The following DOK7 variants were observed in gnomAD, a reference collection of about 807,000 sequenced individuals.
DOK7 encodes protein Dok-7.
Under a neutral mutation model 30.7 loss-of-function variants are expected in DOK7, and 32 were observed. The ratio of observed to expected loss-of-function variants is 1.04; its 90% CI spans 0.79 to 1.40. DOK7 has a LOEUF of 1.40. DOK7 is among the 40% of genes most tolerant of loss of function. The pLI, the probability that DOK7 is intolerant of heterozygous loss-of-function variation, is 0.00. For synonymous variants in DOK7, 447 were observed against 324.1 expected, an observed-to-expected ratio of 1.38 and a Z score of -4.07; for missense variants, 1,007 against 699.2, an observed-to-expected ratio of 1.44 and a Z score of -4.97.
chr4:3,498,964 G>C (rs951578513), downstream of DOK7, among the ~76,000 whole-genome samples: 1 of 152,222 alleles, frequency 6.6e-6, no homozygotes, highest in Non-Finnish European at 1.5e-5. Context: ...GAATCAGCGA[G>C]TCAGGTCTCC....
chr4:3,494,344 T>C lies in DOK7; in HGVS notation c.*843T>C. 1.0e-6 allele frequency: 1 copy of C among 985,780 alleles called. No individual in the cohort carries two copies. 61.1% of individuals were successfully genotyped at this position (985,780 alleles called of 1,614,324 possible). On this transcript the variant is annotated 3_prime_UTR_variant, in exon 7 of 7. Transcript: ENST00000340083. Reference sequence around the variant, plus strand: ...CCCATTGTCCCCCGCCCTGGGTGGCTTCCTCTTGCACAGCCTGGAGCCTGC... The same window carrying C: ...CCCATTGTCCCCCGCCCTGGGTGGCCTCCTCTTGCACAGCCTGGAGCCTGC...
chr4:3,491,529 ATT>A (rs1728449334), intron 6 of DOK7, among the ~76,000 whole-genome samples: 1 of 41,004 alleles, frequency 2.4e-5, no homozygotes, highest in Non-Finnish European at 5.3e-5. Flanking sequence ...CTGTTCATTC[ATT>A]TCTTCCTTCT....
chr4:3,498,493 G>A (rs1560240509), downstream of DOK7, among the ~76,000 whole-genome samples: 2 of 152,240 alleles, frequency 1.3e-5, no homozygotes. Context: ...CGAGGTACCA[G>A]GCTGCAGGGG....
At chr4:3,500,465 C>A (rs1484206869) in intron 7 of DOK7, 1 of 1,521,420 alleles carries the variant, frequency 6.6e-7, no homozygotes, top group African/African-American at 1.4e-5. Flanking sequence ...GCCTCAGGGC[C>A]CTGAGCCCCC....
At chr4:3,484,630 C>A (rs114376366) in intron 4 of DOK7, 1 of 985,458 alleles carries the variant, frequency 1.0e-6, no homozygotes, top group Non-Finnish European at 1.2e-6. Flanking sequence ...CCACGGGTGG[C>A]GGCTGCATCG....
At chr4:3,498,505 G>A (rs1180319704), downstream of DOK7, among the ~76,000 whole-genome samples, 3 of 152,202 alleles carry the variant, frequency 2.0e-5, no homozygotes, top group Non-Finnish European at 4.4e-5. Context: ...CTGCAGGGGG[G>A]TGTCCAGCCC....
In DOK7 at chr4:3,493,875, C is replaced by T; in HGVS notation, c.*374C>T. Reference sequence around the variant, plus strand: ...TGCCGCTGGCCTTGTCCTCCTTGGGCCTCACGCCCCCTTCGGGGGTGGCCG... The same window carrying T: ...TGCCGCTGGCCTTGTCCTCCTTGGGTCTCACGCCCCCTTCGGGGGTGGCCG... On this transcript the variant is annotated 3_prime_UTR_variant, in exon 7 of 7. Transcript: ENST00000340083. The T allele has an allele frequency of 2.7e-6, 3 of 1,115,688 alleles. No individual in the cohort carries two copies. The highest frequency in any genetic ancestry group is 3.3e-6 in the Non-Finnish European group (3 of 913,192). 69.1% of individuals were successfully genotyped at this position (1,115,688 alleles called of 1,614,324 possible). A position where few individuals can be genotyped will look rare whatever the true frequency, so the allele number is the denominator to read the frequency against.
chr4:3,493,243 C>G lies in DOK7; in HGVS notation c.1257C>G (p.Ser419Arg). Reference sequence around the variant, plus strand: ...TTTGCCTGGCTCCTAGAGACCACAGCCCCCCCTCACAGGGCAGCCCCGGCA... The same window carrying G: ...TTTGCCTGGCTCCTAGAGACCACAGGCCCCCCTCACAGGGCAGCCCCGGCA... ...RSLCLAPRDH[S>R]PPSQGSPGNS... Residue 419 changes from serine (S) to arginine (R), a missense_variant, in exon 7 of 7, where the codon AGC becomes AGG. Coordinates refer to ENST00000340083, the MANE Select transcript of DOK7 (RefSeq NM_173660.5). 2.5e-6 allele frequency: 4 copies of G among 1,611,688 alleles called. No individual in the cohort carries two copies. The highest frequency in any genetic ancestry group is 2.2e-5 in the South Asian group (2 of 90,970).
chr4:3,487,924 C>T (rs74385650), intron 5 of DOK7, among the ~76,000 whole-genome samples: 14 of 152,364 alleles, frequency 9.2e-5, no homozygotes, highest in Non-Finnish European at 1.9e-4. Context: ...ACCAAGGAGC[C>T]AGGACTGGTG....
chr4:3,468,352 GTC>G (rs1577140795), intron 2 of DOK7, among the ~76,000 whole-genome samples: 5 of 151,930 alleles, frequency 3.3e-5, no homozygotes, highest in South Asian at 2.1e-4. Flanking sequence ...TCAAATGCTT[GTC>G]TGTGTGCGTG....
intron 2 of DOK7, among the ~76,000 whole-genome samples, chr4:3,469,644 C>T (rs1726639711): frequency 6.6e-6 from 1 of 152,204 alleles, no homozygotes; most frequent in African/African-American, 2.4e-5. Context: ...GTCTACCCGG[C>T]ACACGTGCTG....
intron 4 of DOK7, among the ~76,000 whole-genome samples, chr4:3,482,708 A>T (rs865804222): frequency 3.4e-4 from 52 of 152,342 alleles, no homozygotes; most frequent in African/African-American, 1.2e-3. Context: ...CCAAACACAC[A>T]GGCAAACAGG....
At chr4:3,490,666 T>C (rs1410923462) in intron 6 of DOK7, among the ~76,000 whole-genome samples, 1 of 112,866 alleles carries the variant, frequency 8.9e-6, no homozygotes, top group African/African-American at 3.5e-5. Flanking sequence ...GCTCATTCAT[T>C]CCTCCCTTCC....
intron 2 of DOK7, among the ~76,000 whole-genome samples, chr4:3,471,691 C>T (rs1321641441): frequency 6.6e-6 from 1 of 152,252 alleles, no homozygotes; most frequent in African/African-American, 2.4e-5. Flanking sequence ...TCCGATTACG[C>T]CGCTGTGTTT....
chr4:3,463,368 GA>G lies in DOK7; in HGVS notation c.-7del, dbSNP rs1448025014. 8.8e-6 allele frequency: 13 copies of G among 1,483,992 alleles called. No individual in the cohort carries two copies. Among genetic ancestry groups the G allele is most frequent in the African/African-American group, 2.9e-5 (2 of 67,986 alleles). 91.9% of individuals were successfully genotyped at this position (1,483,992 alleles called of 1,614,324 possible). On this transcript the variant is annotated 5_prime_UTR_variant, in exon 1 of 7. Coordinates refer to ENST00000340083, the MANE Select transcript of DOK7 (RefSeq NM_173660.5). ...GGCGAGCGCGGCGGCGCGGAACCAT[GA>G]CAGAAGATGACCGAGGCGGCGCTGG...
chr4:3,490,398 C>CCTTCCTTTTCCCCACACTCATTCATTT (rs1436574923), intron 6 of DOK7, among the ~76,000 whole-genome samples: 1 of 71,340 alleles, frequency 1.4e-5, no homozygotes, highest in Non-Finnish European at 2.9e-5. Context: ...CTCATTCAGT[C>CCTTCCTTTTCCCCACACTCATTCATTT]CTTCTTTCAC....
Position 3,493,109 on chromosome 4 carries a change from C to T in DOK7, c.1123C>T (p.Leu375=). The T allele has an allele frequency of 6.3e-7, 1 of 1,586,258 alleles. No homozygotes were observed. Residue 375 remains leucine, a synonymous_variant, in exon 7 of 7, where the codon CTG becomes TTG. Coordinates refer to ENST00000340083, the MANE Select transcript of DOK7 (RefSeq NM_173660.5). Reference sequence around the variant, plus strand: ...AGATGAACTGGGCTCACTGCTCAGCCTGCCAGCAGCGGGGGCCCCCGAGCC... The same window carrying T: ...AGATGAACTGGGCTCACTGCTCAGCTTGCCAGCAGCGGGGGCCCCCGAGCC... ...ATDELGSLLS[L]PAAGAPEPSL...
chr4:3,489,287 G>A (rs935182698), intron 5 of DOK7, among the ~76,000 whole-genome samples: 1 of 152,170 alleles, frequency 6.6e-6, no homozygotes, highest in African/African-American at 2.4e-5. Flanking sequence ...CCGTGAATGA[G>A]GGGCAGGCAG....
At chr4:3,464,767 T>C (rs934788292) in intron 2 of DOK7, among the ~76,000 whole-genome samples, 76 of 152,114 alleles carry the variant, frequency 5.0e-4, no homozygotes, top group African/African-American at 1.8e-3. Flanking sequence ...TTTGTCCCTG[T>C]TGGAGGGATT....
Sources: allele counts gnomAD v4.1 joint callset (sites outside exome capture counted in the v4.1 genomes callset), GRCh38; gene constraint gnomAD v4.1.1; transcripts MANE v1.5; gene names NCBI Gene and HGNC (gene_info 2026-07-23, HGNC 2026-07-21).